GDF1: variants seen among roughly 807,000 people sequenced by gnomAD.
The protein encoded by GDF1 is growth differentiation factor 1.
Under a neutral mutation model 7.4 loss-of-function variants are expected in GDF1, and 8 were observed. That is an observed-to-expected ratio of 1.09 (90% CI 0.64 to 1.96). The LOEUF is 1.96. Among genes scored for constraint, GDF1 ranks in the 30% most tolerant of loss-of-function variants. GDF1 has a pLI of 0.00. For synonymous variants in GDF1, 311 were observed against 276.7 expected (o/e 1.12, Z -1.23); for missense variants, 574 against 551.5 (o/e 1.04, Z -0.41).
chr19:18,879,139 T>C (rs1601162307), intron 5 of GDF1, 100 bp from the exon 6 acceptor site: 7 of 1,589,646 alleles, frequency 4.4e-6, no homozygotes, highest in South Asian at 3.4e-5. Flanking sequence ...ACACGGGCTG[T>C]CTGCCACCTA....
At chr19:18,889,362 C>T (rs1337245475) in intron 2 of GDF1, among the ~76,000 whole-genome samples, 1 of 152,082 alleles carries the variant, frequency 6.6e-6, no homozygotes, top group East Asian at 1.9e-4. Context: ...CGTCCTGTAG[C>T]TCCTTCCCCA....
intron 2 of GDF1, among the ~76,000 whole-genome samples, chr19:18,891,707 A>G (rs1049214565): frequency 2.0e-5 from 3 of 151,606 alleles, no homozygotes; most frequent in Non-Finnish European, 4.4e-5. Flanking sequence ...CCTCCCAAGT[A>G]GCTGGTACTA....
chr19:18,893,209 G>C (rs887935996), intron 2 of GDF1, among the ~76,000 whole-genome samples: 17 of 148,238 alleles, frequency 1.1e-4, no homozygotes, highest in African/African-American at 4.0e-4. Flanking sequence ...CACTGCGCCT[G>C]GCCCTCTTTT....
At chr19:18,892,147 C>T (rs1489745035) in intron 2 of GDF1, among the ~76,000 whole-genome samples, 6 of 152,000 alleles carry the variant, frequency 3.9e-5, no homozygotes, top group Non-Finnish European at 7.4e-5. Flanking sequence ...ATCCACCTGC[C>T]TCAGCCTCCC....
Position 18,878,659 on chromosome 19 carries a change from C to G in GDF1, c.-313+271G>C, listed in dbSNP as rs969125779. The G allele has an allele frequency of 7.8e-7, 1 of 1,280,830 alleles. No homozygotes were observed. Among genetic ancestry groups the G allele is most frequent in the African/African-American group, 1.5e-5 (1 of 65,682 alleles). The allele number at this position is 1,280,830 out of a possible 1,614,324, so 79.3% of individuals were successfully genotyped here. ...CACTCCCGCCACACCAGCCACTAGG[C>G]CTGGCCCTCAGTGTCCCTACCGCTG... On this transcript the variant is annotated intron_variant, in intron 6 of 7. Transcript: ENST00000247005. This position sits in a 1 kb window ranked among gnomAD's most constrained non-coding sequence, Gnocchi z 4.6.
Position 18,877,125 on chromosome 19 carries a change from G to A in GDF1, c.-313+1805C>T, listed in dbSNP as rs544846791. Among the ~76,000 whole-genome samples, 3 of 152,330 alleles carry A rather than the reference G, an allele frequency of 2.0e-5. No individual in the cohort carries two copies. In the South Asian group the frequency reaches 6.2e-4, roughly 32 times the overall value. On this transcript the variant is annotated intron_variant, in intron 6 of 7. Coordinates refer to ENST00000247005, the MANE Select transcript of GDF1 (RefSeq NM_001492.6). ...TGGAGAATCGAATTCTGCTGGTGGT[G>A]CCTATGGGATCAATCATCACAGGGT...
chr19:18,878,997 G>A lies in GDF1; in HGVS notation c.-380C>T. 6.2e-7 allele frequency: 1 copy of A among 1,613,764 alleles called. No homozygotes were observed. Among genetic ancestry groups the A allele is most frequent in the Non-Finnish European group, 8.5e-7 (1 of 1,179,834 alleles). On this transcript the variant is annotated 5_prime_UTR_variant, in exon 6 of 8. Transcript: ENST00000247005. The surrounding 1 kb of genome is among the most constrained non-coding windows in gnomAD (Gnocchi z 4.6). ...TACTCCCGCAGGTCCTTCAGCTCGT[G>A]CACCTGGCCTGTCAACACCTTGGCT...
At position 18,878,641 on chromosome 19, in the gene GDF1, G is replaced by A. The variant is rs995048844; in HGVS notation, c.-313+289C>T. ...CACAGGGCCCTGGCTCGCCACTCCC[G>A]CCACACCAGCCACTAGGCCTGGCCC... On this transcript the variant is annotated intron_variant, in intron 6 of 7. Coordinates refer to ENST00000247005, the MANE Select transcript of GDF1 (RefSeq NM_001492.6). The surrounding 1 kb of genome is among the most constrained non-coding windows in gnomAD (Gnocchi z 4.6). 15 of 1,220,948 alleles carry A rather than the reference G, an allele frequency of 1.2e-5. No homozygotes were observed. The highest frequency in any genetic ancestry group is 7.6e-5 in the Admixed American group (2 of 26,144). The allele number at this position is 1,220,948 out of a possible 1,614,324, so 75.6% of individuals were successfully genotyped here.
intron 2 of GDF1, among the ~76,000 whole-genome samples, chr19:18,886,989 C>A (rs1601179839): frequency 6.6e-6 from 1 of 152,222 alleles, no homozygotes; most frequent in African/African-American, 2.4e-5. Context: ...CAAACGGTCA[C>A]CATGACCCAG....
Position 18,887,562 on chromosome 19 carries a change from T to G in GDF1, c.-913-3295A>C, listed in dbSNP as rs1396021209. 2.0e-5 allele frequency among the ~76,000 whole-genome samples: 3 copies of G among 152,096 alleles called. No individual in the cohort carries two copies. The East Asian group carries it at 5.8e-4, about 29-fold the overall frequency. On this transcript the variant is annotated intron_variant, in intron 2 of 7. Transcript: ENST00000247005. ...GAGTTGGAGACCAGCCTGGCCAACA[T>G]GGCGAAACCCTGTCTGTACTAAAAA...
rs749512657 is a variant in GDF1 at position 18,870,041 on chromosome 19, C to T, written c.267G>A (p.Pro89=). 11 of 1,595,462 alleles carry T rather than the reference C, an allele frequency of 6.9e-6. No homozygotes were observed. The highest frequency in any genetic ancestry group is 8.5e-6 in the Non-Finnish European group (10 of 1,174,128). Residue 89 remains proline (P), a synonymous_variant, in exon 7 of 8, where the codon CCG becomes CCA. Coordinates refer to ENST00000247005, the MANE Select transcript of GDF1 (RefSeq NM_001492.6). The surrounding 1 kb of genome is among the most constrained non-coding windows in gnomAD (Gnocchi z 5.1). ...RRTSPGVTLQ[P]CHVEELGVAG... The stretch of plus-strand genomic sequence containing the variant: ...CGACCCCCAGCTCCTCCACGTGGCA[C>T]GGTTGCAGGGTGACCCCTGGGGACG...
chr19:18,895,737 GA>G lies in GDF1; in HGVS notation c.-1074+86del. 1 of 721,806 alleles carries G rather than the reference GA, an allele frequency of 1.4e-6. No homozygotes were observed. The highest frequency in any genetic ancestry group is 3.6e-5 in the South Asian group (1 of 28,126). 44.7% of individuals were successfully genotyped at this position (721,806 alleles called of 1,614,324 possible). On this transcript the variant is annotated intron_variant, in intron 1 of 7. Transcript: ENST00000247005. The surrounding 1 kb of genome is among the most constrained non-coding windows in gnomAD (Gnocchi z 6.4). ...TCATCCGCAGCAGCCAGCGCTGGAA[GA>G]AAGGAACGCGCCGGCGGCCCCAGGT...
chr19:18,885,479 G>T (rs1177675332), intron 2 of GDF1, among the ~76,000 whole-genome samples: 1 of 148,656 alleles, frequency 6.7e-6, no homozygotes, highest in Non-Finnish European at 1.5e-5. Flanking sequence ...TTACAGGGAT[G>T]AGCCACCTCA....
At chr19:18,884,466 T>C (rs1420204137) in intron 2 of GDF1, among the ~76,000 whole-genome samples, 199 bp from the exon 3 acceptor site, 1 of 151,708 alleles carries the variant, frequency 6.6e-6, no homozygotes, top group Non-Finnish European at 1.5e-5. Context: ...TCGCCCAGGC[T>C]GGAGTGCAGT....
chr19:18,870,443 G>A lies in GDF1; in HGVS notation c.-136C>T. The A allele has an allele frequency of 1.1e-6, 1 of 911,682 alleles. No homozygotes were observed. The highest frequency in any genetic ancestry group is 1.7e-6 in the Non-Finnish European group (1 of 595,710). The allele number at this position is 911,682 out of a possible 1,614,324, so 56.5% of individuals were successfully genotyped here. On this transcript the variant is annotated 5_prime_UTR_variant, in exon 7 of 8. Coordinates refer to ENST00000247005, the MANE Select transcript of GDF1 (RefSeq NM_001492.6). The surrounding 1 kb of genome is among the most constrained non-coding windows in gnomAD (Gnocchi z 5.1). Reference sequence around the variant, plus strand: ...GCCGGGAACTGGAGGCAGGATGAGGGGGCGGGGTCCCAGGGGAGGTGGCGG... The same window carrying A: ...GCCGGGAACTGGAGGCAGGATGAGGAGGCGGGGTCCCAGGGGAGGTGGCGG...
At chr19:18,885,805 C>T (rs1453020539) in intron 2 of GDF1, among the ~76,000 whole-genome samples, 1 of 152,074 alleles carries the variant, frequency 6.6e-6, no homozygotes, top group Non-Finnish European at 1.5e-5. Context: ...GGGCGTGAGC[C>T]GCTGCGCCCG....
At chr19:18,888,519 TA>T (rs781426705) in intron 2 of GDF1, among the ~76,000 whole-genome samples, 21,191 of 58,892 alleles carry the variant, frequency 0.36, 3,197 homozygotes, top group Admixed American at 0.44. Flanking sequence ...CCCTGTCTCT[TA>T]AAAAAAAAAA....
At chr19:18,883,844 GCCTGTTTCAC>G (rs1157792720) in intron 3 of GDF1, among the ~76,000 whole-genome samples, 1 of 152,134 alleles carries the variant, frequency 6.6e-6, no homozygotes, top group Non-Finnish European at 1.5e-5. Context: ...GGCTCTCTGG[GCCTGTTTCAC>G]CCCATCCCAG....
At position 18,895,555 on chromosome 19, in the gene GDF1, G is replaced by C. The variant is rs562617735; in HGVS notation, c.-1074+269C>G. On this transcript the variant is annotated intron_variant, in intron 1 of 7. Transcript: ENST00000247005. This position sits in a 1 kb window ranked among gnomAD's most constrained non-coding sequence, Gnocchi z 6.4. The stretch of plus-strand genomic sequence containing the variant: ...CCTGTCTCGGGCCCCCCATGTCCCA[G>C]ACTCACCCCAGCCCGGCCACACCCC... 2.0e-5 allele frequency among the ~76,000 whole-genome samples: 3 copies of C among 151,648 alleles called. No individual in the cohort carries two copies. The highest frequency in any genetic ancestry group is 7.3e-5 in the African/African-American group (3 of 41,310).
Sources: allele counts gnomAD v4.1 joint callset (sites outside exome capture counted in the v4.1 genomes callset), GRCh38; gene constraint gnomAD v4.1.1; non-coding constraint Gnocchi (gnomAD v3.1); transcripts MANE v1.5; gene names NCBI Gene and HGNC (gene_info 2026-07-23, HGNC 2026-07-21).